SPMIP2: variants seen among roughly 807,000 people sequenced by gnomAD.
SPMIP2 encodes sperm microtubule inner protein 2, also known as protein SPMIP2.
chr4:158,924,059 A>G, the SPMIP2 span, among the ~76,000 whole-genome samples: 1 of 152,224 alleles, frequency 6.6e-6, no homozygotes, highest in Admixed American at 6.5e-5. Flanking sequence ...GTCACTCTGC[A>G]TATGCACATA....
chr4:158,979,915 C>T, the SPMIP2 span, among the ~76,000 whole-genome samples: 1 of 151,416 alleles, frequency 6.6e-6, no homozygotes, highest in South Asian at 2.1e-4. Flanking sequence ...TCAGCGGATC[C>T]CCTCCCCACA....
At chr4:158,984,471 A>G in the SPMIP2 span, among the ~76,000 whole-genome samples, 1 of 151,420 alleles carries the variant, frequency 6.6e-6, no homozygotes, top group African/African-American at 2.4e-5. Flanking sequence ...ACTCAGGATT[A>G]AGAAACTCAG....
the SPMIP2 span, among the ~76,000 whole-genome samples, chr4:159,073,116 TG>T: frequency 6.6e-6 from 1 of 152,184 alleles, no homozygotes; most frequent in African/African-American, 2.4e-5. Context: ...GGAGGGAAGC[TG>T]TTCGGTTTAG....
At chr4:159,038,186 G>A in the SPMIP2 span, among the ~76,000 whole-genome samples, 3 of 152,176 alleles carry the variant, frequency 2.0e-5, no homozygotes, top group South Asian at 6.2e-4. Context: ...TGGGTCAAAG[G>A]AAAACACATA....
At chr4:158,961,135 C>T in the SPMIP2 span, among the ~76,000 whole-genome samples, 2 of 152,086 alleles carry the variant, frequency 1.3e-5, no homozygotes, top group African/African-American at 4.8e-5. Flanking sequence ...TTTGTGGATG[C>T]ATTTTTTACT....
chr4:158,919,717 C>T, the SPMIP2 span, among the ~76,000 whole-genome samples: 1 of 152,184 alleles, frequency 6.6e-6, no homozygotes, highest in Non-Finnish European at 1.5e-5. Flanking sequence ...ATTATGGGCT[C>T]ACGGTTTCCT....
chr4:159,039,407 G>C, the SPMIP2 span, among the ~76,000 whole-genome samples: 1 of 152,194 alleles, frequency 6.6e-6, no homozygotes, highest in East Asian at 1.9e-4. Flanking sequence ...GCCAGGCACA[G>C]AGGAGACACA....
At chr4:158,967,296 T>C in the SPMIP2 span, among the ~76,000 whole-genome samples, 1 of 152,196 alleles carries the variant, frequency 6.6e-6, no homozygotes, top group Non-Finnish European at 1.5e-5. Flanking sequence ...TTGGTCTCCC[T>C]AGACAATATT....
At chr4:158,966,638 C>T in the SPMIP2 span, among the ~76,000 whole-genome samples, 4 of 152,260 alleles carry the variant, frequency 2.6e-5, no homozygotes, top group South Asian at 2.1e-4. Flanking sequence ...CTTTAAGAAG[C>T]TAAATTTTTT....
the SPMIP2 span, among the ~76,000 whole-genome samples, chr4:159,067,817 AAAAC>A: frequency 6.6e-6 from 1 of 152,194 alleles, no homozygotes; most frequent in East Asian, 1.9e-4. Flanking sequence ...GTACAAGAAA[AAAAC>A]AAACAACCCC....
the SPMIP2 span, among the ~76,000 whole-genome samples, chr4:159,005,570 A>G: frequency 1.3e-5 from 2 of 152,236 alleles, no homozygotes; most frequent in Non-Finnish European, 2.9e-5. Context: ...TGGAGCAGCC[A>G]CTAGCCACAT....
chr4:159,070,108 G>T, the SPMIP2 span, among the ~76,000 whole-genome samples: 1 of 151,868 alleles, frequency 6.6e-6, no homozygotes, highest in Non-Finnish European at 1.5e-5. Flanking sequence ...GAAAAGGACA[G>T]ATGGTTCTTA....
At chr4:158,915,483 G>A in the SPMIP2 span, 1 of 825,748 alleles carries the variant, frequency 1.2e-6, no homozygotes, top group Non-Finnish European at 1.9e-6. Context: ...TGTGGCTTAG[G>A]AAAGCTGAAG....
the SPMIP2 span, among the ~76,000 whole-genome samples, chr4:159,060,565 C>T: frequency 6.6e-6 from 1 of 152,086 alleles, no homozygotes; most frequent in Non-Finnish European, 1.5e-5. Flanking sequence ...GGATGGTGTA[C>T]GCCAGGAAGA....
chr4:158,985,202 G>T, the SPMIP2 span, among the ~76,000 whole-genome samples: 1 of 144,020 alleles, frequency 6.9e-6, no homozygotes. Flanking sequence ...TCTACCAGAG[G>T]TACAAGGAGG....
At chr4:158,989,993 G>A in the SPMIP2 span, among the ~76,000 whole-genome samples, 27 of 152,142 alleles carry the variant, frequency 1.8e-4, no homozygotes, top group Admixed American at 1.7e-3. Flanking sequence ...ATGACAAAGG[G>A]CTAATATCCA....
At chr4:158,911,529 G>A in the SPMIP2 span, among the ~76,000 whole-genome samples, 1 of 151,646 alleles carries the variant, frequency 6.6e-6, no homozygotes, top group African/African-American at 2.4e-5. Context: ...TATTGTCTTT[G>A]CCCTGTCTGT....
the SPMIP2 span, among the ~76,000 whole-genome samples, chr4:158,927,919 G>A: frequency 3.7e-4 from 56 of 152,344 alleles, no homozygotes; most frequent in South Asian, 3.7e-3. Flanking sequence ...ATTTCTCGGC[G>A]GGCCTTAGCT....
At chr4:159,076,141 G>A in the SPMIP2 span, among the ~76,000 whole-genome samples, 1 of 152,276 alleles carries the variant, frequency 6.6e-6, no homozygotes, top group South Asian at 2.1e-4. Flanking sequence ...GATTTTACAG[G>A]TGAAGAACTT....
Sources: allele counts gnomAD v4.1 joint callset (sites outside exome capture counted in the v4.1 genomes callset), GRCh38; gene constraint gnomAD v4.1.1; transcripts MANE v1.5; gene names NCBI Gene and HGNC (gene_info 2026-07-23, HGNC 2026-07-21).